Variants in DTNBP1 observed in about 807,000 individuals in gnomAD.
DTNBP1 encodes the protein dystrobrevin binding protein 1.
In DTNBP1, 35 loss-of-function variants were observed where a neutral mutation model predicts 42.8. The ratio of observed to expected loss-of-function variants is 0.82; its 90% CI spans 0.63 to 1.09. DTNBP1 has a LOEUF of 1.09. Ranked by LOEUF, DTNBP1 falls within the 50% of genes least tolerant of loss-of-function variation. The pLI is 0.00. For synonymous variants in DTNBP1, 171 were observed against 162.2 expected (o/e 1.05, Z -0.41); for missense variants, 457 against 424.2 (o/e 1.08, Z -0.68).
intron 5 of DTNBP1, among the ~76,000 whole-genome samples, chr6:15,618,161 A>C (rs1408298760): frequency 1.3e-5 from 2 of 152,194 alleles, no homozygotes; most frequent in Non-Finnish European, 2.9e-5. Flanking sequence ...ACAGCAAAAA[A>C]TAAAAATTAA....
intron 7 of DTNBP1, among the ~76,000 whole-genome samples, chr6:15,582,463 G>A (rs1775882748): frequency 6.6e-6 from 1 of 152,112 alleles, no homozygotes; most frequent in Admixed American, 6.5e-5. Context: ...TGCCTAATAA[G>A]TAGTTTCTTT....
intron 1 of DTNBP1, among the ~76,000 whole-genome samples, chr6:15,658,286 GATT>G (rs1487058386): frequency 2.0e-5 from 3 of 152,168 alleles, no homozygotes; most frequent in Non-Finnish European, 4.4e-5. Flanking sequence ...TGAATACTGA[GATT>G]ATTTTCTCTT....
At chr6:15,523,796 C>CT (rs1358316855) in intron 9 of DTNBP1, 1 of 1,287,100 alleles carries the variant, frequency 7.8e-7, no homozygotes, top group Non-Finnish European at 1.0e-6. Context: ...ACCCAAGCTC[C>CT]TTCTCTTCCC....
At chr6:15,523,406 C>T (rs1211567573) in intron 9 of DTNBP1, among the ~76,000 whole-genome samples, 187 bp from the exon 10 acceptor site, 1 of 152,194 alleles carries the variant, frequency 6.6e-6, no homozygotes, top group Non-Finnish European at 1.5e-5. Flanking sequence ...GAGGCAGCCT[C>T]AGGCCCTGCG....
intron 7 of DTNBP1, among the ~76,000 whole-genome samples, chr6:15,578,371 T>C (rs1225510575): frequency 1.3e-5 from 2 of 152,190 alleles, no homozygotes; most frequent in African/African-American, 4.8e-5. Context: ...TGTACTAGGA[T>C]TGCCAGCCTG....
chr6:15,609,406 G>T (rs1037739374), intron 6 of DTNBP1, among the ~76,000 whole-genome samples: 1 of 151,218 alleles, frequency 6.6e-6, no homozygotes, highest in African/African-American at 2.4e-5. Context: ...TGCAACCTCC[G>T]CCTCCCGGGT....
intron 5 of DTNBP1, among the ~76,000 whole-genome samples, chr6:15,621,935 C>T (rs748873250): frequency 1.6e-4 from 24 of 152,182 alleles, no homozygotes; most frequent in Non-Finnish European, 3.2e-4. Flanking sequence ...CTTTCAGCCT[C>T]ACACAGGACT....
chr6:15,657,272 C>T (rs1222011224), intron 1 of DTNBP1, among the ~76,000 whole-genome samples: 1 of 152,242 alleles, frequency 6.6e-6, no homozygotes, highest in Non-Finnish European at 1.5e-5. Context: ...TAGCTCATCA[C>T]AAATTCACTG....
chr6:15,567,758 CA>C (rs1411394098), intron 7 of DTNBP1, among the ~76,000 whole-genome samples: 1 of 152,166 alleles, frequency 6.6e-6, no homozygotes, highest in Non-Finnish European at 1.5e-5. Flanking sequence ...GACTATGTTT[CA>C]GGCCACGGTC....
At chr6:15,585,215 C>T (rs1343048779) in intron 7 of DTNBP1, among the ~76,000 whole-genome samples, 2 of 150,410 alleles carry the variant, frequency 1.3e-5, no homozygotes, top group Admixed American at 6.6e-5. Context: ...TAACTTTATA[C>T]TATCTTTGGA....
intron 7 of DTNBP1, among the ~76,000 whole-genome samples, chr6:15,553,457 T>C (rs1037613714): frequency 3.3e-5 from 5 of 151,944 alleles, no homozygotes; most frequent in African/African-American, 1.2e-4. Flanking sequence ...TGGTAAGTGG[T>C]AAGTGACTTG....
At chr6:15,611,869 T>C (rs1758425609) in intron 6 of DTNBP1, among the ~76,000 whole-genome samples, 2 of 152,130 alleles carry the variant, frequency 1.3e-5, no homozygotes, top group African/African-American at 4.8e-5. Flanking sequence ...AGGAAGTGGT[T>C]TCTTGAGAAG....
chr6:15,570,919 A>G (rs1561966008), intron 7 of DTNBP1, among the ~76,000 whole-genome samples: 1 of 152,260 alleles, frequency 6.6e-6, no homozygotes, highest in East Asian at 1.9e-4. Context: ...TTACAGAAAT[A>G]TAACATATGG....
At chr6:15,658,277 G>A (rs1201483154) in intron 1 of DTNBP1, among the ~76,000 whole-genome samples, 1 of 152,166 alleles carries the variant, frequency 6.6e-6, no homozygotes, top group Non-Finnish European at 1.5e-5. Context: ...AAATCAAGTT[G>A]AATACTGAGA....
chr6:15,597,433 T>C (rs1776558937), intron 6 of DTNBP1, among the ~76,000 whole-genome samples: 1 of 152,158 alleles, frequency 6.6e-6, no homozygotes, highest in South Asian at 2.1e-4. Flanking sequence ...GCTAACCAGA[T>C]GAAAAAGCAT....
intron 4 of DTNBP1, among the ~76,000 whole-genome samples, chr6:15,636,127 TG>T (rs1278254646): frequency 1.3e-5 from 2 of 150,600 alleles, no homozygotes; most frequent in Non-Finnish European, 3.0e-5. Flanking sequence ...TTGTTTTTGT[TG>T]GGTGTCAAAG....
chr6:15,523,070 A>G lies in DTNBP1; in HGVS notation c.961T>C (p.Ser321Pro). The G allele has an allele frequency of 6.2e-7, 1 of 1,614,116 alleles. No individual in the cohort carries two copies. Among genetic ancestry groups the G allele is most frequent in the Non-Finnish European group, 8.5e-7 (1 of 1,180,014 alleles). ...SEGGESPVVQ[S>P]DEEEVQVDTA... ...TCCACCTGAACTTCCTCCTCATCGG[A>G]CTGAACAACGGGGGACTCCCCACCC... Residue 321 changes from serine (S) to proline (P), a missense_variant, in exon 10 of 10, where the codon TCC becomes CCC. Ser to Pro is a moderately conservative substitution (Grantham distance 74). Coordinates refer to ENST00000344537, the MANE Select transcript of DTNBP1 (RefSeq NM_032122.5).
At chr6:15,524,726 TGAACTTCCATTGGCATTAGGCTA>T in intron 8 of DTNBP1, 57 bp from the exon 9 acceptor site, 1 of 1,596,788 alleles carries the variant, frequency 6.3e-7, no homozygotes, top group Non-Finnish European at 8.5e-7. Flanking sequence ...CTTTAAAAGG[TGAACTTCCATTGGCATTAGGCTA>T]ACTACATTGC....
intron 9 of DTNBP1, 108 bp downstream of exon 9, chr6:15,524,418 T>TG (rs774060953): frequency 6.2e-7 from 1 of 1,614,000 alleles, no homozygotes; most frequent in African/African-American, 1.3e-5. Context: ...GCTGTGAGCT[T>TG]GGGGGTTTAT....
Sources: gnomAD v4.1 joint callset for allele counts (sites outside exome capture counted in the v4.1 genomes callset) on GRCh38, gnomAD v4.1.1 for gene constraint, MANE v1.5 for transcripts, NCBI Gene and HGNC (gene_info 2026-07-23, HGNC 2026-07-21) for gene names.